Variants in RAB3C observed in about 807,000 individuals in gnomAD.
RAB3C encodes RAB3C, member RAS oncogene family.
In RAB3C, 17 loss-of-function variants were observed where a neutral mutation model predicts 26.4. That is an observed-to-expected ratio of 0.64 (90% CI 0.44 to 0.97). RAB3C has a LOEUF of 0.97. Among genes scored for constraint, RAB3C ranks in the 50% least tolerant of loss-of-function variants. The pLI, the probability that RAB3C is intolerant of heterozygous loss-of-function variation, is 0.00. For missense variants in RAB3C, 242 were observed against 281.9 expected (o/e 0.86, Z 1.01); for synonymous variants, 91 against 95.9 (o/e 0.95, Z 0.30).
chr5:58,717,105 C>T (rs1042332391), intron 2 of RAB3C, among the ~76,000 whole-genome samples: 9 of 151,970 alleles, frequency 5.9e-5, no homozygotes, highest in African/African-American at 9.7e-5. Flanking sequence ...TTCAGTTTTG[C>T]GTGAACCTAA....
chr5:58,616,155 G>T (rs1312286334), intron 1 of RAB3C, among the ~76,000 whole-genome samples: 1 of 152,098 alleles, frequency 6.6e-6, no homozygotes, highest in Non-Finnish European at 1.5e-5. Flanking sequence ...GCTTTTATGG[G>T]AAATGGAAAA....
chr5:58,713,359 T>A (rs985646339), intron 2 of RAB3C, among the ~76,000 whole-genome samples: 2 of 152,132 alleles, frequency 1.3e-5, no homozygotes, highest in African/African-American at 2.4e-5. Flanking sequence ...GTGTAAAAAA[T>A]TTACATTTTA....
At chr5:58,668,359 AG>A (rs1375915896) in intron 2 of RAB3C, among the ~76,000 whole-genome samples, 16 of 152,144 alleles carry the variant, frequency 1.1e-4, no homozygotes, top group African/African-American at 3.4e-4. Flanking sequence ...TGAGGGTGGG[AG>A]GTTAGGGTCT....
intron 2 of RAB3C, among the ~76,000 whole-genome samples, chr5:58,652,731 T>G (rs890308945): frequency 1.3e-5 from 2 of 151,244 alleles, no homozygotes; most frequent in African/African-American, 4.8e-5. Context: ...AAAGATGAAA[T>G]AAATGTGTTG....
At chr5:58,796,986 C>A (rs1464646785) in intron 3 of RAB3C, among the ~76,000 whole-genome samples, 3 of 151,190 alleles carry the variant, frequency 2.0e-5, no homozygotes, top group African/African-American at 7.3e-5. Context: ...TGACCCACTA[C>A]ACACACACAC....
At chr5:58,728,001 CT>C (rs1449529049) in intron 3 of RAB3C, among the ~76,000 whole-genome samples, 1 of 151,930 alleles carries the variant, frequency 6.6e-6, no homozygotes, top group Non-Finnish European at 1.5e-5. Context: ...AACATTTGTG[CT>C]TCTTTTCTTC....
chr5:58,774,727 T>C (rs932155967), intron 3 of RAB3C, among the ~76,000 whole-genome samples: 14 of 151,974 alleles, frequency 9.2e-5, no homozygotes, highest in African/African-American at 3.1e-4. Flanking sequence ...ATTCAAGCCA[T>C]GATATGAAGG....
intron 2 of RAB3C, among the ~76,000 whole-genome samples, chr5:58,627,515 A>AAAAAAAAAAC (rs1325212744): frequency 1.7e-5 from 1 of 60,558 alleles, no homozygotes; most frequent in Non-Finnish European, 3.3e-5. Flanking sequence ...AAAAAAAAAA[A>AAAAAAAAAAC]AAAACACAGC....
At chr5:58,849,445 T>C (rs924577528) in intron 4 of RAB3C, among the ~76,000 whole-genome samples, 2 of 152,158 alleles carry the variant, frequency 1.3e-5, no homozygotes, top group Non-Finnish European at 2.9e-5. Context: ...CAAATCTGGA[T>C]TGAATTACTG....
chr5:58,832,617 A>G (rs1348943541), intron 4 of RAB3C, among the ~76,000 whole-genome samples: 2 of 152,190 alleles, frequency 1.3e-5, no homozygotes, highest in African/African-American at 4.8e-5. Context: ...AGAGGCATGG[A>G]CTCAGTGCTA....
intron 3 of RAB3C, among the ~76,000 whole-genome samples, chr5:58,766,696 G>T (rs1293491312): frequency 6.6e-6 from 1 of 152,156 alleles, no homozygotes; most frequent in African/African-American, 2.4e-5. Context: ...CGCTGGTGGG[G>T]TTCAGAGTCT....
chr5:58,859,221 T>C lies in RAB3C; in HGVS notation c.*7870T>C, dbSNP rs745804853. 3 of 152,238 alleles carry C rather than the reference T, an allele frequency of 2.0e-5. No individual in the cohort carries two copies. The highest frequency in any genetic ancestry group is 4.4e-5 in the Non-Finnish European group (3 of 68,038). 9.4% of individuals were successfully genotyped at this position (152,238 alleles called of 1,614,324 possible). On this transcript the variant is annotated 3_prime_UTR_variant, in exon 5 of 5. Coordinates refer to ENST00000282878, the MANE Select transcript of RAB3C (RefSeq NM_138453.4). Reference sequence around the variant, plus strand: ...TGTGGGTTTAAAGCTATGAAGTGTATTCACATTGTGAAGTTTTAATTATCT... The same window carrying C: ...TGTGGGTTTAAAGCTATGAAGTGTACTCACATTGTGAAGTTTTAATTATCT...
At chr5:58,712,245 G>A (rs903396124) in intron 2 of RAB3C, among the ~76,000 whole-genome samples, 1 of 151,628 alleles carries the variant, frequency 6.6e-6, no homozygotes, top group Non-Finnish European at 1.5e-5. Flanking sequence ...CCAGTTTATG[G>A]GAAATAGAAA....
intron 3 of RAB3C, among the ~76,000 whole-genome samples, chr5:58,750,217 TG>T (rs1476876769): frequency 6.6e-6 from 1 of 152,212 alleles, no homozygotes; most frequent in Non-Finnish European, 1.5e-5. Context: ...GTGTTCACTT[TG>T]GCAAGGGACC....
Position 58,825,774 on chromosome 5 carries a change from C to G in RAB3C, c.496+612C>G, listed in dbSNP as rs147488650. Among the ~76,000 whole-genome samples, 69 of 152,114 alleles carry G rather than the reference C, an allele frequency of 4.5e-4. No individual in the cohort carries two copies. The East Asian group carries it at 0.01, about 23-fold the overall frequency. ...CCATTTCAAACACAAAACATTGTATCTAAAGAGAAAAATGCTGGAGTGAGA... is the reference window on the plus strand; with the variant it reads ...CCATTTCAAACACAAAACATTGTATGTAAAGAGAAAAATGCTGGAGTGAGA... On this transcript the variant is annotated intron_variant, in intron 4 of 4. Coordinates refer to ENST00000282878, the MANE Select transcript of RAB3C (RefSeq NM_138453.4).
chr5:58,740,100 G>A (rs1349037906), intron 3 of RAB3C, among the ~76,000 whole-genome samples: 2 of 152,166 alleles, frequency 1.3e-5, no homozygotes, highest in East Asian at 3.8e-4. Context: ...TTAGTATCTG[G>A]TTGTTGGGCC....
In RAB3C at chr5:58,858,453, T is replaced by C. The variant is rs1744312102; in HGVS notation, c.*7102T>C. ...GTGGGAATCAAACATGGAAGAGGTA[T>C]GGCTCCTGCCCCTAATGAGAACAAG... On this transcript the variant is annotated 3_prime_UTR_variant, in exon 5 of 5. Transcript: ENST00000282878. The C allele has an allele frequency of 6.6e-6, 1 of 152,192 alleles. No individual in the cohort carries two copies. The highest frequency in any genetic ancestry group is 6.6e-5 in the Admixed American group (1 of 15,254). The allele number at this position is 152,192 out of a possible 1,614,324, so 9.4% of individuals were successfully genotyped here.
At chr5:58,767,637 G>T (rs898810992) in intron 3 of RAB3C, among the ~76,000 whole-genome samples, 1 of 152,192 alleles carries the variant, frequency 6.6e-6, no homozygotes, top group Admixed American at 6.5e-5. Flanking sequence ...TGAAGACTTG[G>T]TGAGGAGAGA....
At chr5:58,800,230 T>G (rs545108318) in intron 3 of RAB3C, among the ~76,000 whole-genome samples, 2 of 152,238 alleles carry the variant, frequency 1.3e-5, no homozygotes, top group Non-Finnish European at 2.9e-5. Flanking sequence ...GCAAACTCAT[T>G]CTTTGGTGGT....
Sources: gnomAD v4.1 joint callset for allele counts (sites outside exome capture counted in the v4.1 genomes callset) on GRCh38, gnomAD v4.1.1 for gene constraint, MANE v1.5 for transcripts, NCBI Gene and HGNC (gene_info 2026-07-23, HGNC 2026-07-21) for gene names.